Variants in ZNF20 observed in about 807,000 individuals in gnomAD.
ZNF20 encodes the protein zinc finger protein 20, also known as zinc finger protein KOX13.
Under a neutral mutation model 11.0 loss-of-function variants are expected in ZNF20, and 9 were observed. That is an observed-to-expected ratio of 0.82 (90% CI 0.49 to 1.43). The LOEUF (loss-of-function observed/expected upper bound fraction) is 1.43. ZNF20 is among the 40% of genes most tolerant of loss of function. The pLI is 0.00. For synonymous variants in ZNF20, 182 were observed against 213.0 expected (o/e 0.85, Z 1.27); for missense variants, 528 against 640.8 (o/e 0.82, Z 1.90).
rs375525666 is a variant in ZNF20 at position 12,132,955 on chromosome 19, G to A, written c.1231C>T (p.Arg411Cys). ...CCAGTGTGCGTCCTTTCATGTATAC[G>A]CAAGGAAGAAAAATACTTGAATACT... ...GKVFKYFSSL[R>C]IHERTHTGEK... Residue 411 changes from arginine (R) to cysteine (C), a missense_variant, in exon 4 of 4, where the codon CGT (arginine) becomes TGT (cysteine). Physicochemically the swap from Arg to Cys is radical, Grantham distance 180 (BLOSUM62 -3). Coordinates refer to ENST00000334213, the MANE Select transcript of ZNF20 (RefSeq NM_021143.4). 60 of 1,613,890 alleles carry A rather than the reference G, an allele frequency of 3.7e-5. No individual in the cohort carries two copies. The highest frequency in any genetic ancestry group is 4.2e-5 in the Non-Finnish European group (49 of 1,179,992).
At chr19:12,138,609 A>C (rs532976089) in intron 1 of ZNF20, among the ~76,000 whole-genome samples, 4 of 152,202 alleles carry the variant, frequency 2.6e-5, no homozygotes, top group Non-Finnish European at 5.9e-5. Flanking sequence ...ATTTTAAAAA[A>C]AGTTATCCAT....
At position 12,139,533 on chromosome 19, in the gene ZNF20, A is replaced by ATT. The variant is rs550020752; in HGVS notation, c.3+645_3+646dup. Among the ~76,000 whole-genome samples the ATT allele has an allele frequency of 0.014, 2,114 of 145,862 alleles. 47 individuals are homozygous for ATT. Among genetic ancestry groups the ATT allele is most frequent in the African/African-American group, 0.051 (2,022 of 39,694 alleles). On this transcript the variant is annotated intron_variant, in intron 1 of 3. Transcript: ENST00000334213. The surrounding 1 kb of genome is among the most constrained non-coding windows in gnomAD (Gnocchi z 4.0). ...ATCGCTGTTTGCTCAAACTCTTTAA[A>ATT]TTTTTTTTTTTTTTTGAGATGGAAT...
chr19:12,137,324 GA>G (rs1398735575), intron 1 of ZNF20: 1 of 147,934 alleles, frequency 6.8e-6, no homozygotes, highest in Non-Finnish European at 1.5e-5. Context: ...AAAAGAAGAA[GA>G]AGAAAGCTGC....
chr19:12,132,835 A>G lies in ZNF20; in HGVS notation c.1351T>C (p.Tyr451His). The G allele has an allele frequency of 6.2e-7, 1 of 1,613,984 alleles. No homozygotes were observed. Among genetic ancestry groups the G allele is most frequent in the East Asian group, 2.2e-5 (1 of 44,836 alleles). ...GCTTTGCCACATACCTTACACTCAT[A>G]TGGCTTATCTCCAGTGTGTGTCCTT... ...HERTHTGDKP[Y>H]ECKVCGKAFT... is the part of the protein sequence containing the mutation. The change falls in exon 4 of 4, where the codon TAT becomes CAT. Residue 451 changes from tyrosine to histidine, a missense_variant. By Grantham distance (83) the Tyr-to-His change is moderately conservative. Transcript: ENST00000334213.
At position 12,139,604 on chromosome 19, in the gene ZNF20, C is replaced by CT. The variant is rs1976767168; in HGVS notation, c.3+575_3+576insA. Among the ~76,000 whole-genome samples, 2 of 151,440 alleles carry CT rather than the reference C, an allele frequency of 1.3e-5. No homozygotes were observed. The highest frequency in any genetic ancestry group is 4.9e-5 in the African/African-American group (2 of 41,178). On this transcript the variant is annotated intron_variant, in intron 1 of 3. Coordinates refer to ENST00000334213, the MANE Select transcript of ZNF20 (RefSeq NM_021143.4). This position sits in a 1 kb window ranked among gnomAD's most constrained non-coding sequence, Gnocchi z 4.0. ...GGAGTGCAGTGGCGTGATCTCGGCT[C>CT]ACTGCAACCTTCGTCTCCTGGGGTC...
chr19:12,134,910 T>G (rs751994332), intron 3 of ZNF20, among the ~76,000 whole-genome samples: 4 of 152,062 alleles, frequency 2.6e-5, no homozygotes, highest in Non-Finnish European at 5.9e-5. Flanking sequence ...ACTCACCCTG[T>G]TGTCCAAATT....
rs1012480403 is a variant in ZNF20 at position 12,140,316 on chromosome 19, C to T, written c.-134G>A. On this transcript the variant is annotated 5_prime_UTR_variant, in exon 1 of 4. Transcript: ENST00000334213. ...TCTCGGAGTAGGAAATCTGGTATCCCGACAACAACCTGCATAGCAACAAAA... is the reference window on the plus strand; with the variant it reads ...TCTCGGAGTAGGAAATCTGGTATCCTGACAACAACCTGCATAGCAACAAAA... 22 of 1,127,482 alleles carry T rather than the reference C, an allele frequency of 2.0e-5. No homozygotes were observed. The African/African-American group carries it at 3.1e-4, about 16-fold the overall frequency. The allele number at this position is 1,127,482 out of a possible 1,614,324, so 69.8% of individuals were successfully genotyped here. A position where few individuals can be genotyped will look rare whatever the true frequency, so the allele number is the denominator to read the frequency against.
In ZNF20 at chr19:12,133,074, TG is replaced by T; in HGVS notation, c.1111del (p.Gln371SerfsTer167). On this transcript the variant is annotated frameshift_variant, in exon 4 of 4. Coordinates refer to ENST00000334213, the MANE Select transcript of ZNF20 (RefSeq NM_021143.4). LOFTEE classifies it low-confidence loss of function (END_TRUNC). ...AGCACATCTAAAGCCTTTCCCACAC[TG>T]CTTACATCCATAGGGTTTATCCTCA... ...HTEDKPYGCK[Q>X]CGKGFRCASQ... 6.2e-7 allele frequency: 1 copy of T among 1,614,202 alleles called. No individual in the cohort carries two copies. Among genetic ancestry groups the T allele is most frequent in the East Asian group, 2.2e-5 (1 of 44,878 alleles).
At chr19:12,134,153 G>A (rs1296969781) in intron 3 of ZNF20, among the ~76,000 whole-genome samples, 168 bp from the exon 4 acceptor site, 3 of 151,766 alleles carry the variant, frequency 2.0e-5, no homozygotes, top group African/African-American at 4.8e-5. Flanking sequence ...GTGAAACCCC[G>A]TCTCTACTAA....
intron 1 of ZNF20, 101 bp downstream of exon 1, chr19:12,140,079 C>T (rs1976775900): frequency 3.4e-6 from 5 of 1,455,920 alleles, no homozygotes; most frequent in East Asian, 2.5e-5. Context: ...GGTCCCAGAT[C>T]CAGGAGGCGC....
At chr19:12,135,467 G>C (rs1303675286) in intron 3 of ZNF20, 33 bp downstream of exon 3, 3 of 1,605,596 alleles carry the variant, frequency 1.9e-6, no homozygotes, top group Non-Finnish European at 2.6e-6. Context: ...AGATTTTCTA[G>C]AGGCATTGCC....
chr19:12,133,931 GCTTTCTCCACAGTGATGA>G lies in ZNF20; in HGVS notation c.237_254del (p.His80_Ser85del). 6.2e-7 allele frequency: 1 copy of G among 1,613,702 alleles called. No homozygotes were observed. Among genetic ancestry groups the G allele is most frequent in the Non-Finnish European group, 8.5e-7 (1 of 1,179,794 alleles). ...GCATGTCATCTGCAATCTGGTTGAAGCTTTCTCCACAGTGATGACTTTCTTTACTTTCACAGAGTTTCT... is the reference window on the plus strand; with the variant it reads ...GCATGTCATCTGCAATCTGGTTGAAGCTTTCTTTACTTTCACAGAGTTTCT... On this transcript the variant is annotated inframe_deletion, in exon 4 of 4. Transcript: ENST00000334213.
chr19:12,136,622 G>C (rs1385088301), intron 1 of ZNF20, among the ~76,000 whole-genome samples: 7 of 152,158 alleles, frequency 4.6e-5, no homozygotes, highest in Non-Finnish European at 8.8e-5. Context: ...GGGAGGCAGA[G>C]ATTGCGGTGA....
chr19:12,133,825 T>TA lies in ZNF20; in HGVS notation c.360dup (p.Asn121Ter), dbSNP rs1430060979. ...CCAGTGTCAGCTCTGATATGCGTAT[T>TA]AAGAGATGAATGACCCGTGCCAACT... On this transcript the variant is annotated frameshift_variant, in exon 4 of 4. Coordinates refer to ENST00000334213, the MANE Select transcript of ZNF20 (RefSeq NM_021143.4). LOFTEE classifies it low-confidence loss of function (END_TRUNC). The TA allele has an allele frequency of 6.2e-7, 1 of 1,614,182 alleles. No homozygotes were observed. The highest frequency in any genetic ancestry group is 1.1e-5 in the South Asian group (1 of 91,092).
Position 12,132,452 on chromosome 19 carries a change from T to A in ZNF20, c.*135A>T. The A allele has an allele frequency of 1.2e-6, 1 of 860,074 alleles. No homozygotes were observed. Among genetic ancestry groups the A allele is most frequent in the South Asian group, 1.8e-5 (1 of 55,000 alleles). The allele number at this position is 860,074 out of a possible 1,614,324, so 53.3% of individuals were successfully genotyped here. ...ACCATCCAAGTTCTTCTAGATTTTA[T>A]TGTCCTATCGCAAGTCTCTCTTCTC... On this transcript the variant is annotated 3_prime_UTR_variant, in exon 4 of 4. Transcript: ENST00000334213.
chr19:12,140,271 T>C lies in ZNF20; in HGVS notation c.-89A>G. 6.5e-7 allele frequency: 1 copy of C among 1,537,984 alleles called. No homozygotes were observed. Among genetic ancestry groups the C allele is most frequent in the Non-Finnish European group, 8.8e-7 (1 of 1,131,096 alleles). ...GCAGGCGGCAGAGCGACAGAAGTTG[T>C]GGCAGAGGGACCCGGGGCCTCTCGG... On this transcript the variant is annotated 5_prime_UTR_variant, in exon 1 of 4. Coordinates refer to ENST00000334213, the MANE Select transcript of ZNF20 (RefSeq NM_021143.4).
rs1435330576 is a variant in ZNF20 at position 12,140,171 on chromosome 19, T to A, written c.3+9A>T. ...CCCCCGTCTGGGGACTCCGGCCCCA[T>A]ACACTCACCATTTCCCGGCTTCTGG... On this transcript the variant is annotated intron_variant, in intron 1 of 3. Coordinates refer to ENST00000334213, the MANE Select transcript of ZNF20 (RefSeq NM_021143.4). 2.5e-6 allele frequency: 4 copies of A among 1,602,186 alleles called. No homozygotes were observed. The highest frequency in any genetic ancestry group is 3.4e-6 in the Non-Finnish European group (4 of 1,174,256).
Position 12,133,638 on chromosome 19 carries a change from T to A in ZNF20, c.548A>T (p.His183Leu). 6.2e-7 allele frequency: 1 copy of A among 1,614,220 alleles called. No individual in the cohort carries two copies. The highest frequency in any genetic ancestry group is 8.5e-7 in the Non-Finnish European group (1 of 1,180,020). Residue 183 changes from histidine to leucine, a missense_variant, in exon 4 of 4, where the codon CAT (histidine) becomes CTT (leucine). Physicochemically the swap from His to Leu is moderately conservative, Grantham distance 99. Coordinates refer to ENST00000334213, the MANE Select transcript of ZNF20 (RefSeq NM_021143.4). Reference sequence around the variant, plus strand: ...TACCCTGTGTCTTTGAATGCATGAATGGGAAATGAAGGTTTCTGTACATTC... The same window carrying A: ...TACCCTGTGTCTTTGAATGCATGAAAGGGAAATGAAGGTTTCTGTACATTC... ...GKECTETFISHSCIQRHRVMH... is the reference protein window; with the variant it reads ...GKECTETFISLSCIQRHRVMH...
Position 12,133,636 on chromosome 19 carries a change from A to C in ZNF20, c.550T>G (p.Ser184Ala). The change falls in exon 4 of 4, where the codon TCA becomes GCA. Residue 184 changes from serine to alanine, a missense_variant. Ser to Ala is a moderately conservative substitution (Grantham distance 99). Coordinates refer to ENST00000334213, the MANE Select transcript of ZNF20 (RefSeq NM_021143.4). ...ATTACCCTGTGTCTTTGAATGCATG[A>C]ATGGGAAATGAAGGTTTCTGTACAT... ...KECTETFISHSCIQRHRVMHS... is the reference protein window; with the variant it reads ...KECTETFISHACIQRHRVMHS... 2 of 1,614,238 alleles carry C rather than the reference A, an allele frequency of 1.2e-6. No homozygotes were observed. Among genetic ancestry groups the C allele is most frequent in the Non-Finnish European group, 1.7e-6 (2 of 1,180,044 alleles).
Sources: gnomAD v4.1 joint callset for allele counts (sites outside exome capture counted in the v4.1 genomes callset) on GRCh38, gnomAD v4.1.1 for gene constraint, Gnocchi (gnomAD v3.1) non-coding constraint, MANE v1.5 for transcripts, NCBI Gene and HGNC (gene_info 2026-07-23, HGNC 2026-07-21) for gene names.